Variants in TBC1D1 observed in about 807,000 individuals in gnomAD.
TBC1D1 encodes TBC1 domain family member 1.
Under a neutral mutation model 125.6 loss-of-function variants are expected in TBC1D1, and 89 were observed. The observed-to-expected ratio is 0.71, with a 90% CI of 0.60 to 0.85. The LOEUF (loss-of-function observed/expected upper bound fraction) is 0.85, where lower values mean the gene tolerates loss of function less well. Among genes scored for constraint, TBC1D1 ranks in the 40% least tolerant of loss-of-function variants. The pLI is 0.00. For synonymous variants in TBC1D1, 565 were observed against 564.1 expected (o/e 1.00, Z -0.02); for missense variants, 1,377 against 1,469.2 (o/e 0.94, Z 1.03).
intron 2 of TBC1D1, among the ~76,000 whole-genome samples, chr4:37,903,495 C>A (rs868623089): frequency 6.6e-6 from 1 of 152,106 alleles, no homozygotes; most frequent in African/African-American, 2.4e-5. Context: ...ATGTACAGGG[C>A]GAGGATGCGA....
Position 38,052,703 on chromosome 4 carries a change from TACAC to T in TBC1D1, c.1911-1489_1911-1486del, listed in dbSNP as rs199509126. Among the ~76,000 whole-genome samples the T allele has an allele frequency of 1.6e-4, 20 of 128,214 alleles. 1 individual carries two copies. Among genetic ancestry groups the T allele is most frequent in the Non-Finnish European group, 1.8e-4 (11 of 61,088 alleles). The allele number at this position is 128,214 out of a possible 152,430, so 84.1% of individuals were successfully genotyped here. ...GTGGACACTTACATGCATGCGTATA[TACAC>T]ACACACGCGCGCGCGCGCGCGCACA... On this transcript the variant is annotated intron_variant, in intron 11 of 19. Coordinates refer to ENST00000261439, the MANE Select transcript of TBC1D1 (RefSeq NM_015173.4).
chr4:38,079,246 A>G (rs922042407), intron 12 of TBC1D1, among the ~76,000 whole-genome samples: 3 of 152,202 alleles, frequency 2.0e-5, no homozygotes, highest in Non-Finnish European at 2.9e-5. Context: ...GTCTCTGACT[A>G]TGTTCAGATC....
At chr4:37,974,223 T>C in intron 2 of TBC1D1, among the ~76,000 whole-genome samples, 1 of 152,178 alleles carries the variant, frequency 6.6e-6, no homozygotes, top group East Asian at 1.9e-4. Context: ...GGGTGGCCTC[T>C]GTTGGAATGA....
intron 2 of TBC1D1, among the ~76,000 whole-genome samples, chr4:37,903,461 C>T (rs1291519475): frequency 6.6e-6 from 1 of 152,198 alleles, no homozygotes; most frequent in Admixed American, 6.5e-5. Context: ...AGCCAAGTCA[C>T]ATGTGATTCA....
intron 2 of TBC1D1, among the ~76,000 whole-genome samples, chr4:37,987,127 A>G (rs536922357): frequency 1.3e-5 from 2 of 152,368 alleles, no homozygotes; most frequent in South Asian, 4.1e-4. Flanking sequence ...CATCGACTGC[A>G]AATGGCATTT....
intron 2 of TBC1D1, among the ~76,000 whole-genome samples, chr4:37,981,363 C>T (rs1029332527): frequency 6.6e-6 from 1 of 152,198 alleles, no homozygotes; most frequent in African/African-American, 2.4e-5. Context: ...ATTCATTCAA[C>T]AGGTCATTTA....
intron 2 of TBC1D1, among the ~76,000 whole-genome samples, chr4:37,939,181 G>A (rs1725013105): frequency 6.6e-6 from 1 of 152,206 alleles, no homozygotes; most frequent in Non-Finnish European, 1.5e-5. Flanking sequence ...ATCCTCTCCA[G>A]CACCTGTTGT....
At chr4:37,999,066 C>T (rs1218001952) in intron 2 of TBC1D1, among the ~76,000 whole-genome samples, 2 of 152,012 alleles carry the variant, frequency 1.3e-5, no homozygotes, top group African/African-American at 2.4e-5. Context: ...CTGGCCAACA[C>T]GGTGAACCCC....
chr4:38,093,695 A>AG (rs1758836749), intron 13 of TBC1D1, among the ~76,000 whole-genome samples: 1 of 150,814 alleles, frequency 6.6e-6, no homozygotes, highest in Non-Finnish European at 1.5e-5. Context: ...AATTTTTATT[A>AG]TTAGTAGTAG....
rs781206676 is a variant in TBC1D1 at position 38,137,136 on chromosome 4, T to C, written c.3308T>C (p.Val1103Ala). 1 of 1,613,318 alleles carries C rather than the reference T, an allele frequency of 6.2e-7. No homozygotes were observed. Among genetic ancestry groups the C allele is most frequent in the Non-Finnish European group, 8.5e-7 (1 of 1,180,014 alleles). ...CTCATTTCTTCTTTTATTCTCCAGG[T>C]GGCAAATGGTAGGATCCAAAGCCTT... Residue 1103 changes from valine to alanine, a missense_variant and splice_region_variant, in exon 20 of 20, where the codon GTG becomes GCG. By Grantham distance (64) the Val-to-Ala change is moderately conservative. Around this residue, in one of 3 missense-constraint regions of TBC1D1, gnomAD observed 543 missense variants for 613.5 expected, o/e 0.89. Transcript: ENST00000261439.
chr4:38,084,318 G>A (rs1560758172), intron 12 of TBC1D1, among the ~76,000 whole-genome samples: 1 of 152,206 alleles, frequency 6.6e-6, no homozygotes, highest in East Asian at 1.9e-4. Context: ...GGTTCTCTTT[G>A]GAGTATTTTC....
At chr4:37,966,580 G>A (rs1731113793) in intron 2 of TBC1D1, among the ~76,000 whole-genome samples, 1 of 152,144 alleles carries the variant, frequency 6.6e-6, no homozygotes, top group East Asian at 1.9e-4. Flanking sequence ...TGCAGATGGT[G>A]GTTTATTTTA....
intron 2 of TBC1D1, among the ~76,000 whole-genome samples, chr4:37,968,584 A>T (rs552601240): frequency 5.2e-5 from 8 of 152,388 alleles, no homozygotes; most frequent in Admixed American, 3.9e-4. Flanking sequence ...GGTACTCCTC[A>T]ATAAGTCCTC....
intron 18 of TBC1D1, among the ~76,000 whole-genome samples, chr4:38,130,563 T>C (rs1292767059): frequency 3.3e-5 from 5 of 152,076 alleles, no homozygotes; most frequent in African/African-American, 1.2e-4. Flanking sequence ...ATTACAACTC[T>C]AGTGGAATTG....
At chr4:38,107,379 C>T (rs1761496295) in intron 15 of TBC1D1, among the ~76,000 whole-genome samples, 1 of 152,230 alleles carries the variant, frequency 6.6e-6, no homozygotes, top group South Asian at 2.1e-4. Flanking sequence ...TTAGTCTACA[C>T]CATGGCTACC....
In TBC1D1 at chr4:37,947,002, C is replaced by T. The variant is rs542431580; in HGVS notation, c.417+44490C>T. Among the ~76,000 whole-genome samples, 252 of 152,210 alleles carry T rather than the reference C, an allele frequency of 1.7e-3. 1 individual carries two copies. Among genetic ancestry groups the T allele is most frequent in the Middle Eastern group, 0.014 (4 of 294 alleles). On this transcript the variant is annotated intron_variant, in intron 2 of 19. Transcript: ENST00000261439. ...CTGGCAACAGGTGGTAAATGGCATG[C>T]GACTCAACAATAAAAAGGGATGGAC... is the stretch of plus-strand genomic sequence containing the variant.
Position 38,014,639 on chromosome 4 carries a change from T to G in TBC1D1, c.548T>G (p.Val183Gly). ...GTGCTCTTCTGCGGCCGCGTGACGG[T>G]GGCGCACAAGAAGGCTCCGCCGGCC... Residue 183 changes from valine (V) to glycine (G), a missense_variant, in exon 3 of 20, where the codon GTG becomes GGG. By Grantham distance (109) the Val-to-Gly change is moderately radical (BLOSUM62 -3). This residue lies in a region of TBC1D1 where 822 missense variants were observed against 824.6 expected (regional missense o/e 1.00). Transcript: ENST00000261439. This position sits in a 1 kb window ranked among gnomAD's most constrained non-coding sequence, Gnocchi z 5.1. 1 of 1,613,310 alleles carries G rather than the reference T, an allele frequency of 6.2e-7. No homozygotes were observed. Among genetic ancestry groups the G allele is most frequent in the Non-Finnish European group, 8.5e-7 (1 of 1,180,026 alleles).
At chr4:38,016,137 C>T (rs1742668967) in intron 3 of TBC1D1, among the ~76,000 whole-genome samples, 1 of 152,200 alleles carries the variant, frequency 6.6e-6, no homozygotes, top group Non-Finnish European at 1.5e-5. Context: ...GTAAGGGAGA[C>T]AGGCAACTGA....
At chr4:38,016,248 T>G (rs1235261826) in intron 3 of TBC1D1, among the ~76,000 whole-genome samples, 1 of 152,192 alleles carries the variant, frequency 6.6e-6, no homozygotes, top group Non-Finnish European at 1.5e-5. Flanking sequence ...AAGGCTTCTT[T>G]GAGAAAGTGA....
Sources: allele counts gnomAD v4.1 joint callset (sites outside exome capture counted in the v4.1 genomes callset), GRCh38; gene constraint gnomAD v4.1.1; regional missense constraint gnomAD v4.1.1; non-coding constraint Gnocchi (gnomAD v3.1); transcripts MANE v1.5; gene names NCBI Gene and HGNC (gene_info 2026-07-23, HGNC 2026-07-21).